LINGO2: variants seen among roughly 807,000 people sequenced by gnomAD.
LINGO2 encodes leucine rich repeat and Ig domain containing 2.
Under a neutral mutation model 30.6 loss-of-function variants are expected in LINGO2, and 14 were observed. The ratio of observed to expected loss-of-function variants is 0.46; its 90% CI spans 0.30 to 0.72. The LOEUF (loss-of-function observed/expected upper bound fraction) is 0.72, where lower values mean the gene tolerates loss of function less well. Ranked by LOEUF, LINGO2 falls within the 30% of genes least tolerant of loss-of-function variation. The pLI is 0.07. For missense variants in LINGO2, 729 were observed against 751.7 expected (o/e 0.97, Z 0.35); for synonymous variants, 317 against 288.5 (o/e 1.10, Z -1.00).
intron 4 of LINGO2, among the ~76,000 whole-genome samples, chr9:28,247,032 A>G (rs1183767221): frequency 6.6e-6 from 1 of 152,250 alleles, no homozygotes; most frequent in Non-Finnish European, 1.5e-5. Flanking sequence ...AGAGAAATGC[A>G]AATCAAAACC....
At chr9:28,582,749 C>T (rs1389344864) in intron 1 of LINGO2, among the ~76,000 whole-genome samples, 11 of 152,064 alleles carry the variant, frequency 7.2e-5, no homozygotes. Flanking sequence ...CGCAGCTCTC[C>T]TTTACAGTCA....
At chr9:29,132,345 A>G in the LINGO2 span, among the ~76,000 whole-genome samples, 5 of 151,964 alleles carry the variant, frequency 3.3e-5, no homozygotes, top group African/African-American at 1.2e-4. Flanking sequence ...ATCCACTCAC[A>G]CCTTTCTGTG....
At chr9:28,973,112 T>A in the LINGO2 span, among the ~76,000 whole-genome samples, 13 of 152,148 alleles carry the variant, frequency 8.5e-5, no homozygotes, top group African/African-American at 3.1e-4. Context: ...AGGGGTAGAA[T>A]GTTTTTTCAA....
At chr9:28,348,925 T>G (rs1374882106) in intron 3 of LINGO2, among the ~76,000 whole-genome samples, 1 of 151,368 alleles carries the variant, frequency 6.6e-6, no homozygotes, top group Non-Finnish European at 1.5e-5. Context: ...CCAACAGACC[T>G]GCAGCTGAGG....
At chr9:28,223,876 G>A (rs930027315) in intron 4 of LINGO2, among the ~76,000 whole-genome samples, 1 of 152,098 alleles carries the variant, frequency 6.6e-6, no homozygotes. Context: ...AGAGTATTTA[G>A]CCCCCAAAAT....
At chr9:28,314,446 C>T (rs35437717) in intron 3 of LINGO2, among the ~76,000 whole-genome samples, 4,742 of 152,218 alleles carry the variant, frequency 0.031, 146 homozygotes, top group South Asian at 0.094. Context: ...CTAACACCTT[C>T]CTTCCACCTG....
At chr9:28,554,909 C>T (rs1191239344) in intron 1 of LINGO2, among the ~76,000 whole-genome samples, 61 of 123,656 alleles carry the variant, frequency 4.9e-4, no homozygotes, top group East Asian at 1.2e-3. Context: ...GGGTACATAA[C>T]GAAATGAAGG....
At chr9:28,245,701 A>G (rs894357092) in intron 4 of LINGO2, among the ~76,000 whole-genome samples, 1 of 151,872 alleles carries the variant, frequency 6.6e-6, no homozygotes, top group Non-Finnish European at 1.5e-5. Context: ...CAATTGCTAC[A>G]AAGAGAATAA....
chr9:28,268,409 T>A (rs1203836272), intron 4 of LINGO2, among the ~76,000 whole-genome samples: 1 of 151,592 alleles, frequency 6.6e-6, no homozygotes, highest in East Asian at 1.9e-4. Context: ...TAGAACAGAG[T>A]TTCCATGACA....
At chr9:28,302,633 T>C (rs566228434) in intron 3 of LINGO2, among the ~76,000 whole-genome samples, 1 of 152,284 alleles carries the variant, frequency 6.6e-6, no homozygotes, top group Non-Finnish European at 1.5e-5. Context: ...ATCACACCAC[T>C]GTACTCCAAC....
chr9:27,968,083 G>T (rs1820184993), intron 5 of LINGO2, among the ~76,000 whole-genome samples: 1 of 152,006 alleles, frequency 6.6e-6, no homozygotes, highest in Non-Finnish European at 1.5e-5. Flanking sequence ...ATATTTAATT[G>T]AACTCAATAA....
the LINGO2 span, among the ~76,000 whole-genome samples, chr9:29,152,530 A>G: frequency 6.6e-6 from 1 of 152,310 alleles, no homozygotes; most frequent in East Asian, 1.9e-4. Flanking sequence ...TCATTATCCC[A>G]AGTGAATTAA....
At chr9:28,404,832 T>C (rs1301370580) in intron 2 of LINGO2, among the ~76,000 whole-genome samples, 2 of 151,798 alleles carry the variant, frequency 1.3e-5, no homozygotes, top group Admixed American at 6.6e-5. Context: ...ACTTTTAGAG[T>C]AGAAAGTAGT....
chr9:28,564,773 C>T (rs184198324), intron 1 of LINGO2, among the ~76,000 whole-genome samples: 159 of 152,210 alleles, frequency 1.0e-3, no homozygotes, highest in African/African-American at 3.6e-3. Context: ...TCACTTTACA[C>T]TTAAATCAGA....
chr9:28,063,468 T>C lies in LINGO2; in HGVS notation c.-86-51063A>G, dbSNP rs189813790. Among the ~76,000 whole-genome samples, 373 of 152,170 alleles carry C rather than the reference T, an allele frequency of 2.5e-3. 2 individuals carry two copies. Among genetic ancestry groups the C allele is most frequent in the African/African-American group, 8.6e-3 (357 of 41,524 alleles). On this transcript the variant is annotated intron_variant, in intron 4 of 5. Coordinates refer to ENST00000379992, the Ensembl canonical transcript of LINGO2. ...TTTTAAAGACAAGGTCTTGATATGT[T>C]GCCCAAGCTGGCCTCAAACTCCTGG... is the stretch of plus-strand genomic sequence containing the variant.
At chr9:28,994,295 G>A in the LINGO2 span, among the ~76,000 whole-genome samples, 288 of 152,166 alleles carry the variant, frequency 1.9e-3, 1 homozygote, top group African/African-American at 6.6e-3. Flanking sequence ...AAAATACCTA[G>A]GAATCCAACT....
At chr9:28,702,222 A>G in the LINGO2 span, among the ~76,000 whole-genome samples, 33 of 151,940 alleles carry the variant, frequency 2.2e-4, no homozygotes, top group African/African-American at 7.5e-4. Context: ...GAAAGCTTCT[A>G]GTTTCTCACT....
At chr9:29,083,424 G>A in the LINGO2 span, among the ~76,000 whole-genome samples, 1 of 151,964 alleles carries the variant, frequency 6.6e-6, no homozygotes, top group Non-Finnish European at 1.5e-5. Flanking sequence ...CACACACTGG[G>A]GCCTGTTGTG....
At chr9:28,608,208 G>A (rs1825773049) in intron 1 of LINGO2, among the ~76,000 whole-genome samples, 1 of 150,736 alleles carries the variant, frequency 6.6e-6, no homozygotes, top group Non-Finnish European at 1.5e-5. Flanking sequence ...GGATTGATTG[G>A]GGATATTCTA....
Sources: gnomAD v4.1 joint callset for allele counts (sites outside exome capture counted in the v4.1 genomes callset) on GRCh38, gnomAD v4.1.1 for gene constraint, MANE v1.5 for transcripts, NCBI Gene and HGNC (gene_info 2026-07-23, HGNC 2026-07-21) for gene names.